The following HACE1 variants were observed in gnomAD, a reference collection of about 807,000 sequenced individuals.
HACE1 encodes the protein HECT domain and ankyrin repeat containing E3 ubiquitin protein ligase 1.
HACE1 carries 73 observed loss-of-function variants against 118.4 expected under a neutral mutation model. The observed-to-expected ratio is 0.62, with a 90% confidence interval of 0.51 to 0.75. HACE1 has a LOEUF of 0.75. Among genes scored for constraint, HACE1 ranks in the 30% least tolerant of loss-of-function variants. The pLI is 0.00. For synonymous variants in HACE1, 368 were observed against 374.8 expected, an observed-to-expected ratio of 0.98 and a Z score of 0.21; for missense variants, 749 against 1,102.2, an observed-to-expected ratio of 0.68 and a Z score of 4.54.
intron 17 of HACE1, 41 bp from the exon 18 acceptor site, chr6:104,772,115 A>G (rs1253275668): frequency 7.1e-6 from 8 of 1,130,228 alleles, no homozygotes; most frequent in Non-Finnish European, 1.1e-5. Context: ...TTAAGAATCT[A>G]TATGCAGAAG....
intron 19 of HACE1, among the ~76,000 whole-genome samples, chr6:104,767,817 G>A (rs191819129): frequency 6.8e-4 from 104 of 151,826 alleles, no homozygotes; most frequent in Non-Finnish European, 1.2e-3. Context: ...ACTCCTACTC[G>A]ACCACTTAAT....
chr6:104,771,410 G>C, intron 18 of HACE1, 21 bp from the exon 19 acceptor site: 1 of 1,530,238 alleles, frequency 6.5e-7, no homozygotes, highest in Non-Finnish European at 9.0e-7. Flanking sequence ...CAAACATACA[G>C]CAGTTATAGT....
At position 104,729,674 on chromosome 6, in the gene HACE1, G is replaced by T; in HGVS notation, c.2718C>A (p.Tyr906Ter). 1.4e-6 allele frequency: 2 copies of T among 1,479,372 alleles called. No individual in the cohort carries two copies. The highest frequency in any genetic ancestry group is 9.5e-7 in the Non-Finnish European group (1 of 1,057,146). 91.6% of individuals were successfully genotyped at this position (1,479,372 alleles called of 1,614,324 possible). A position where few individuals can be genotyped will look rare whatever the true frequency, so the allele number is the denominator to read the frequency against. Residue 906 changes from tyrosine (Y) to a stop codon, truncating the protein, a stop_gained, in exon 24 of 24, where the codon TAC becomes TAA. Transcript: ENST00000262903. LOFTEE classifies it high-confidence loss of function. Reference sequence around the variant, plus strand: ...TTTCCAGACTTCATTATGCCATTGTGTAACCATAGCTGCCACAATGTAGTG... The same window carrying T: ...TTTCCAGACTTCATTATGCCATTGTTTAACCATAGCTGCCACAATGTAGTG... The part of the protein sequence containing the change: ...LVALHCGSYG[Y>*]TMA
intron 17 of HACE1, among the ~76,000 whole-genome samples, chr6:104,774,623 A>G (rs1437413852): frequency 2.6e-5 from 4 of 151,734 alleles, no homozygotes; most frequent in Non-Finnish European, 1.5e-5. Flanking sequence ...TGACCTCGTG[A>G]TCTGCCCGCC....
chr6:104,801,494 C>G (rs1441776992), intron 7 of HACE1, among the ~76,000 whole-genome samples: 1 of 152,116 alleles, frequency 6.6e-6, no homozygotes, highest in African/African-American at 2.4e-5. Context: ...CAAAGGGAAG[C>G]CCATCAGACT....
At chr6:104,822,110 T>C (rs1481726725) in intron 6 of HACE1, among the ~76,000 whole-genome samples, 4 of 149,240 alleles carry the variant, frequency 2.7e-5, no homozygotes. Flanking sequence ...GGCTCACACC[T>C]GTAATCCCAG....
chr6:104,804,796 G>A (rs1372667607), intron 7 of HACE1, among the ~76,000 whole-genome samples: 1 of 152,180 alleles, frequency 6.6e-6, no homozygotes, highest in Non-Finnish European at 1.5e-5. Flanking sequence ...ACATAGGCAT[G>A]TGTAAAGACT....
chr6:104,771,849 TG>T lies in HACE1; in HGVS notation c.2014+75del, dbSNP rs1451098028. 13 of 1,004,620 alleles carry T rather than the reference TG, an allele frequency of 1.3e-5. No individual in the cohort carries two copies. In the Admixed American group the frequency reaches 2.2e-4, roughly 17 times the overall value. 62.2% of individuals were successfully genotyped at this position (1,004,620 alleles called of 1,614,324 possible). ...AAAATTATCTCATCCAAAATACTACTGCTTATCTAGTTTTCCTCAAACTGAA... is the reference window on the plus strand; with the variant it reads ...AAAATTATCTCATCCAAAATACTACTCTTATCTAGTTTTCCTCAAACTGAA... On this transcript the variant is annotated intron_variant, in intron 18 of 23. Coordinates refer to ENST00000262903, the MANE Select transcript of HACE1 (RefSeq NM_020771.4).
Position 104,815,154 on chromosome 6 carries a change from G to A in HACE1, c.535-3761C>T, listed in dbSNP as rs887237503. Among the ~76,000 whole-genome samples, 3 of 137,426 alleles carry A rather than the reference G, an allele frequency of 2.2e-5. 1 individual carries two copies. Among genetic ancestry groups the A allele is most frequent in the African/African-American group, 8.8e-5 (3 of 34,206 alleles). The allele number at this position is 137,426 out of a possible 152,430, so 90.2% of individuals were successfully genotyped here. A position where few individuals can be genotyped will look rare whatever the true frequency, so the allele number is the denominator to read the frequency against. ...AAAGTTTGGAACTTCCCAGAGACTT[G>A]TTGAATGGTTTTGATCAAACTGCTG... On this transcript the variant is annotated intron_variant, in intron 6 of 23. Coordinates refer to ENST00000262903, the MANE Select transcript of HACE1 (RefSeq NM_020771.4).
intron 7 of HACE1, among the ~76,000 whole-genome samples, chr6:104,801,633 G>A (rs929085155): frequency 1.3e-4 from 20 of 152,134 alleles, no homozygotes; most frequent in African/African-American, 4.8e-4. Context: ...ACAAGTGAAG[G>A]AGAAATAAAA....
At chr6:104,810,250 C>A (rs185356123) in intron 7 of HACE1, among the ~76,000 whole-genome samples, 224 of 152,022 alleles carry the variant, frequency 1.5e-3, no homozygotes, top group African/African-American at 5.1e-3. Flanking sequence ...TCAGAAAGAT[C>A]TGGAAGTCTA....
chr6:104,801,202 G>A (rs1770304796), intron 7 of HACE1, among the ~76,000 whole-genome samples: 1 of 152,162 alleles, frequency 6.6e-6, no homozygotes, highest in Non-Finnish European at 1.5e-5. Flanking sequence ...AAGCCTCCAA[G>A]AAATATGGGA....
chr6:104,744,594 C>G lies in HACE1; in HGVS notation c.2360G>C (p.Gly787Ala). 1 of 1,593,412 alleles carries G rather than the reference C, an allele frequency of 6.3e-7. No homozygotes were observed. Among genetic ancestry groups the G allele is most frequent in the Non-Finnish European group, 8.6e-7 (1 of 1,161,552 alleles). The part of the protein sequence containing the change: ...DEYELELLLS[G>A]MPEIDVSDWI... ...ATCACTCACATCAATTTCTGGCATGCCAGAAAGCAGTAGCTCCTTGGGGGA... is the reference window on the plus strand; with the variant it reads ...ATCACTCACATCAATTTCTGGCATGGCAGAAAGCAGTAGCTCCTTGGGGGA... Residue 787 changes from glycine (G) to alanine (A), a missense_variant, in exon 21 of 24, where the codon GGC becomes GCC. This residue lies in a region of HACE1 where 165 missense variants were observed against 229.9 expected (regional missense o/e 0.72). Transcript: ENST00000262903.
chr6:104,762,877 C>A (rs1779545468), intron 19 of HACE1, among the ~76,000 whole-genome samples: 2 of 150,812 alleles, frequency 1.3e-5, no homozygotes, highest in Non-Finnish European at 2.9e-5. Flanking sequence ...GTAGTCCCAG[C>A]TACTCGGGAG....
At chr6:104,746,561 G>A (rs111636473) in intron 20 of HACE1, among the ~76,000 whole-genome samples, 70 of 152,302 alleles carry the variant, frequency 4.6e-4, no homozygotes, top group African/African-American at 1.7e-3. Context: ...CTACCATCAG[G>A]TGGCCCCTCC....
Position 104,851,742 on chromosome 6 carries a change from T to A in HACE1, c.131+575A>T, listed in dbSNP as rs576241522. Among the ~76,000 whole-genome samples, 24 of 151,866 alleles carry A rather than the reference T, an allele frequency of 1.6e-4. No individual in the cohort carries two copies. In the East Asian group the frequency reaches 4.3e-3, roughly 27 times the overall value. On this transcript the variant is annotated intron_variant, in intron 2 of 23. Transcript: ENST00000262903. ...AGGAAATTTAAAACAAAAAAAAAAATTTTTTTAACTTGTTTCAAAATAGTT... is the reference window on the plus strand; with the variant it reads ...AGGAAATTTAAAACAAAAAAAAAAAATTTTTTAACTTGTTTCAAAATAGTT...
chr6:104,799,832 T>G (rs1454945999), intron 7 of HACE1, among the ~76,000 whole-genome samples: 1 of 152,094 alleles, frequency 6.6e-6, no homozygotes, highest in African/African-American at 2.4e-5. Context: ...GACGGGTGAT[T>G]TCTGCATTTC....
At chr6:104,854,175 C>T (rs1350119169) in intron 1 of HACE1, among the ~76,000 whole-genome samples, 1 of 152,104 alleles carries the variant, frequency 6.6e-6, no homozygotes, top group East Asian at 1.9e-4. Context: ...CACAAAACAC[C>T]TGATCAGTCC....
chr6:104,773,748 A>T (rs532253276), intron 17 of HACE1, among the ~76,000 whole-genome samples: 1 of 151,488 alleles, frequency 6.6e-6, no homozygotes, highest in Non-Finnish European at 1.5e-5. Context: ...GATGCTTAAA[A>T]AGAATAGATA....
Sources: allele counts gnomAD v4.1 joint callset (sites outside exome capture counted in the v4.1 genomes callset), GRCh38; gene constraint gnomAD v4.1.1; regional missense constraint gnomAD v4.1.1; transcripts MANE v1.5; gene names NCBI Gene and HGNC (gene_info 2026-07-23, HGNC 2026-07-21).